The following ADAMTS20 variants were observed in gnomAD, a reference collection of about 807,000 sequenced individuals.
ADAMTS20 encodes the protein ADAM metallopeptidase with thrombospondin type 1 motif 20.
ADAMTS20 carries 225 observed loss-of-function variants against 260.1 expected under a neutral mutation model. The ratio of observed to expected loss-of-function variants is 0.87; its 90% CI spans 0.78 to 0.97. The LOEUF (loss-of-function observed/expected upper bound fraction) is 0.97. Among genes scored for constraint, ADAMTS20 ranks in the 50% least tolerant of loss-of-function variants. ADAMTS20 has a pLI of 0.00. For synonymous variants in ADAMTS20, 802 were observed against 769.5 expected, an observed-to-expected ratio of 1.04 and a Z score of -0.70; for missense variants, 2,400 against 2,337.7, an observed-to-expected ratio of 1.03 and a Z score of -0.55.
At chr12:43,519,129 C>A (rs10785438) in intron 3 of ADAMTS20, among the ~76,000 whole-genome samples, 87,377 of 151,878 alleles carry the variant, frequency 0.58, 25,911 homozygotes, top group East Asian at 0.97. Context: ...GTAGCTTCCA[C>A]TGTTAGAGTT....
chr12:43,502,376 A>C lies in ADAMTS20; in HGVS notation c.643T>G (p.Phe215Val), dbSNP rs1355413676. The C allele has an allele frequency of 6.2e-7, 1 of 1,600,038 alleles. No individual in the cohort carries two copies. The change falls in exon 4 of 39, where the codon TTT becomes GTT. Residue 215 changes from phenylalanine (F) to valine (V), a missense_variant. Phe to Val is a conservative substitution (Grantham distance 50). Coordinates refer to ENST00000389420, the MANE Select transcript of ADAMTS20 (RefSeq NM_025003.5). The stretch of plus-strand genomic sequence containing the variant: ...TCATTCATGTTGCTGTAGGTATGAA[A>C]GGGTAAACTGGTTTCCTTTATTTGA... ...ESQIKETSLP[F>V]HTYSNMNEDL...
intron 28 of ADAMTS20, chr12:43,423,092 A>C (rs1373713660): frequency 6.6e-6 from 1 of 152,072 alleles, no homozygotes; most frequent in African/African-American, 2.4e-5. Context: ...GTACCTTTTT[A>C]TGTTAAACTT....
intron 4 of ADAMTS20, among the ~76,000 whole-genome samples, chr12:43,497,224 A>C (rs1748499059): frequency 6.6e-6 from 1 of 152,186 alleles, no homozygotes; most frequent in African/African-American, 2.4e-5. Flanking sequence ...ATTTAATGAA[A>C]GGTGAAGAAG....
intron 3 of ADAMTS20, among the ~76,000 whole-genome samples, chr12:43,531,819 C>G (rs755345089): frequency 9.2e-5 from 14 of 152,062 alleles, no homozygotes; most frequent in Non-Finnish European, 1.5e-4. Flanking sequence ...TGAGCTAATG[C>G]ATTTGTTAAT....
intron 3 of ADAMTS20, among the ~76,000 whole-genome samples, chr12:43,505,115 A>G (rs1942823300): frequency 6.6e-6 from 1 of 152,236 alleles, no homozygotes; most frequent in Non-Finnish European, 1.5e-5. Flanking sequence ...AAGAGTGCCA[A>G]GACCACTCAA....
chr12:43,448,649 A>T (rs1322328593), intron 14 of ADAMTS20, among the ~76,000 whole-genome samples: 1 of 152,212 alleles, frequency 6.6e-6, no homozygotes, highest in Non-Finnish European at 1.5e-5. Flanking sequence ...AGATCTAGCT[A>T]AATTTAAGAG....
intron 3 of ADAMTS20, among the ~76,000 whole-genome samples, chr12:43,510,601 C>T (rs1252582507): frequency 2.0e-5 from 3 of 151,882 alleles, no homozygotes; most frequent in Admixed American, 1.3e-4. Flanking sequence ...CTATTTAGGT[C>T]CCATTGAGTC....
chr12:43,501,460 T>C (rs532721880), intron 4 of ADAMTS20, among the ~76,000 whole-genome samples: 1 of 92,160 alleles, frequency 1.1e-5, no homozygotes, highest in South Asian at 3.4e-4. Context: ...TGGAGGGGGA[T>C]ACGCGCGCGC....
At chr12:43,495,318 T>C (rs762889826) in intron 4 of ADAMTS20, among the ~76,000 whole-genome samples, 1 of 152,156 alleles carries the variant, frequency 6.6e-6, no homozygotes, top group Non-Finnish European at 1.5e-5. Flanking sequence ...CTATAAAACA[T>C]AGTTATTTAA....
rs951563563 is a variant in ADAMTS20 at position 43,429,531 on chromosome 12, C to T, written c.3489+86G>A. ...CAAAATACCTGAGAATAAATGTATA[C>T]ATTGTGAAATCTCTAGCAACCATTT... On this transcript the variant is annotated intron_variant, in intron 24 of 38. Transcript: ENST00000389420. 3 of 893,802 alleles carry T rather than the reference C, an allele frequency of 3.4e-6. No homozygotes were observed. The Admixed American group carries it at 8.3e-5, about 25-fold the overall frequency. 55.4% of individuals were successfully genotyped at this position (893,802 alleles called of 1,614,324 possible).
rs951532212 is a variant in ADAMTS20 at position 43,551,609 on chromosome 12, C to T, written c.91+222G>A. ...CAAGCGACCCCCTGCCCCTTGCGCCCCCGCCGTGTGGTCCTGGGAGTGCGA... is the reference window on the plus strand; with the variant it reads ...CAAGCGACCCCCTGCCCCTTGCGCCTCCGCCGTGTGGTCCTGGGAGTGCGA... On this transcript the variant is annotated intron_variant, in intron 1 of 38. Coordinates refer to ENST00000389420, the MANE Select transcript of ADAMTS20 (RefSeq NM_025003.5). This position sits in a 1 kb window ranked among gnomAD's most constrained non-coding sequence, Gnocchi z 4.6. Among the ~76,000 whole-genome samples the T allele has an allele frequency of 1.1e-4, 17 of 152,208 alleles. No homozygotes were observed. Among genetic ancestry groups the T allele is most frequent in the Non-Finnish European group, 2.2e-4 (15 of 68,040 alleles).
At chr12:43,421,399 C>T (rs959131798) in intron 28 of ADAMTS20, among the ~76,000 whole-genome samples, 1 of 151,502 alleles carries the variant, frequency 6.6e-6, no homozygotes, top group Non-Finnish European at 1.5e-5. Flanking sequence ...TCCCAAAGCA[C>T]ACTGAATACA....
chr12:43,535,106 T>C (rs575411081), intron 2 of ADAMTS20, among the ~76,000 whole-genome samples: 1 of 152,258 alleles, frequency 6.6e-6, no homozygotes, highest in South Asian at 2.1e-4. Flanking sequence ...ACATTACATC[T>C]GCTTGATTTC....
At chr12:43,457,585 T>C (rs1441968298) in intron 11 of ADAMTS20, among the ~76,000 whole-genome samples, 1 of 152,240 alleles carries the variant, frequency 6.6e-6, no homozygotes, top group Non-Finnish European at 1.5e-5. Flanking sequence ...AAACCTACTT[T>C]TACCAAGTTG....
intron 2 of ADAMTS20, among the ~76,000 whole-genome samples, chr12:43,541,761 G>T (rs960598626): frequency 2.0e-5 from 3 of 148,140 alleles, no homozygotes; most frequent in Non-Finnish European, 4.5e-5. Context: ...CATAGTAAGG[G>T]TTTTGTTTTG....
chr12:43,469,683 T>A (rs923161923), intron 7 of ADAMTS20, among the ~76,000 whole-genome samples: 2 of 152,194 alleles, frequency 1.3e-5, no homozygotes. Context: ...TTTAGAAATG[T>A]CTTAATATAG....
Position 43,432,350 on chromosome 12 carries a change from C to G in ADAMTS20, c.3050G>C (p.Cys1017Ser). Residue 1017 changes from cysteine (C) to serine (S), a missense_variant, in exon 21 of 39, where the codon TGC (cysteine) becomes TCC (serine). By Grantham distance (112) the Cys-to-Ser change is moderately radical (BLOSUM62 -1). Transcript: ENST00000389420. ...QELSRVTREN[C>S]NEFSCPSWAA... is the part of the protein sequence containing the mutation. ...CCAACTGGGACAGGAAAATTCATTG[C>G]AATTCTCTCTCGTCACTCGGGACAG... The G allele has an allele frequency of 6.2e-7, 1 of 1,613,872 alleles. No homozygotes were observed. The highest frequency in any genetic ancestry group is 8.5e-7 in the Non-Finnish European group (1 of 1,179,852).
intron 18 of ADAMTS20, among the ~76,000 whole-genome samples, chr12:43,437,524 T>TACAAGCATG (rs1350774335): frequency 6.6e-6 from 1 of 152,176 alleles, no homozygotes; most frequent in Non-Finnish European, 1.5e-5. Flanking sequence ...ACATGTCATG[T>TACAAGCATG]ACAAGCATGA....
intron 6 of ADAMTS20, among the ~76,000 whole-genome samples, chr12:43,491,862 C>T (rs1035047010): frequency 6.6e-6 from 1 of 152,158 alleles, no homozygotes; most frequent in African/African-American, 2.4e-5. Context: ...AACCTGCTCT[C>T]AGTTCCATAA....
Sources: gnomAD v4.1 joint callset for allele counts (sites outside exome capture counted in the v4.1 genomes callset) on GRCh38, gnomAD v4.1.1 for gene constraint, Gnocchi (gnomAD v3.1) non-coding constraint, MANE v1.5 for transcripts, NCBI Gene and HGNC (gene_info 2026-07-23, HGNC 2026-07-21) for gene names.